Variants in TAF1B observed in about 807,000 individuals in gnomAD.
The protein encoded by TAF1B is TATA-box binding protein associated factor, RNA polymerase I subunit B.
Under a neutral mutation model 83.9 loss-of-function variants are expected in TAF1B, and 61 were observed. That is an observed-to-expected ratio of 0.73 (90% CI 0.59 to 0.90). The LOEUF (loss-of-function observed/expected upper bound fraction) is 0.90. Among genes scored for constraint, TAF1B ranks in the 40% least tolerant of loss-of-function variants. The pLI is 0.00. For synonymous variants in TAF1B, 221 were observed against 224.6 expected (o/e 0.98, Z 0.14); for missense variants, 625 against 677.0 (o/e 0.92, Z 0.85).
At chr2:9,903,650 G>T (rs994423789) in intron 8 of TAF1B, among the ~76,000 whole-genome samples, 16 of 152,284 alleles carry the variant, frequency 1.1e-4, no homozygotes, top group Middle Eastern at 3.4e-3. Context: ...AAAACCTGGT[G>T]TTACTCCCAT....
Position 9,868,261 on chromosome 2 carries a change from TTG to T in TAF1B, c.400-13_400-12del, listed in dbSNP as rs773084478. ...CTGTTACACAATAATTTTATTTATA[TTG>T]TTTTGCAAACAGGTATTAGAAGATA... On this transcript the variant is annotated splice_polypyrimidine_tract_variant and intron_variant, in intron 5 of 14. Coordinates refer to ENST00000263663, the MANE Select transcript of TAF1B (RefSeq NM_005680.3). The T allele has an allele frequency of 6.2e-7, 1 of 1,613,020 alleles. No individual in the cohort carries two copies. The highest frequency in any genetic ancestry group is 1.1e-5 in the South Asian group (1 of 90,866).
At chr2:9,928,404 T>C (rs1666109958) in intron 14 of TAF1B, among the ~76,000 whole-genome samples, 1 of 152,192 alleles carries the variant, frequency 6.6e-6, no homozygotes, top group South Asian at 2.1e-4. Flanking sequence ...AGAAAGTCAT[T>C]GGTAGCTTGA....
Position 9,914,454 on chromosome 2 carries a change from TGCTA to T in TAF1B, c.1271+1209_1271+1212del, listed in dbSNP as rs947092768. Among the ~76,000 whole-genome samples the T allele has an allele frequency of 1.3e-5, 2 of 152,132 alleles. No individual in the cohort carries two copies. The highest frequency in any genetic ancestry group is 4.8e-5 in the African/African-American group (2 of 41,430). On this transcript the variant is annotated intron_variant, in intron 12 of 14. Transcript: ENST00000263663. This position sits in a 1 kb window ranked among gnomAD's most constrained non-coding sequence, Gnocchi z 4.3. ...GGAGAATCAGCCTTCCTTTCTGTGG[TGCTA>T]GCTGGGGTTAGTCCTGACGGATCCT...
At chr2:9,900,187 A>C (rs1371401714) in intron 8 of TAF1B, among the ~76,000 whole-genome samples, 2 of 152,250 alleles carry the variant, frequency 1.3e-5, no homozygotes, top group Non-Finnish European at 2.9e-5. Context: ...AGAGCAGTGT[A>C]AACTATTAGA....
chr2:9,932,430 A>T (rs1010239283), intron 14 of TAF1B, among the ~76,000 whole-genome samples: 3 of 152,206 alleles, frequency 2.0e-5, no homozygotes, highest in Non-Finnish European at 4.4e-5. Flanking sequence ...CAGGTCCCTC[A>T]GCTGCAGGTC....
chr2:9,888,254 C>G (rs77397024), intron 8 of TAF1B, among the ~76,000 whole-genome samples: 6,673 of 152,094 alleles, frequency 0.044, 194 homozygotes, highest in Non-Finnish European at 0.066. Context: ...AGTATTTCCA[C>G]TTCCCTCCTC....
intron 8 of TAF1B, among the ~76,000 whole-genome samples, chr2:9,892,175 T>C (rs1301003563): frequency 6.6e-6 from 1 of 152,254 alleles, no homozygotes; most frequent in Non-Finnish European, 1.5e-5. Context: ...CTTGCCATTG[T>C]GTTACAGTTG....
Position 9,933,533 on chromosome 2 carries a change from A to G in TAF1B, c.1566-250A>G, listed in dbSNP as rs575915718. Among the ~76,000 whole-genome samples, 11 of 152,306 alleles carry G rather than the reference A, an allele frequency of 7.2e-5. No individual in the cohort carries two copies. In the South Asian group the frequency reaches 2.1e-3, roughly 29 times the overall value. ...CATCTGGAGTGAAGAAACTTTGAGC[A>G]AAGAGTTGAAGGACCAGCTCTTAGC... On this transcript the variant is annotated intron_variant, in intron 14 of 14. Transcript: ENST00000263663.
intron 14 of TAF1B, among the ~76,000 whole-genome samples, chr2:9,920,090 ATG>A (rs892089348): frequency 6.6e-6 from 1 of 152,208 alleles, no homozygotes; most frequent in African/African-American, 2.4e-5. Context: ...GATCAGGAGA[ATG>A]TGCTGTATTT....
intron 8 of TAF1B, among the ~76,000 whole-genome samples, chr2:9,883,849 A>G (rs1664582311): frequency 1.3e-5 from 2 of 152,232 alleles, no homozygotes; most frequent in African/African-American, 4.8e-5. Context: ...TAGTTATGCT[A>G]TAATATCAAA....
At chr2:9,879,486 G>A (rs1206341927) in intron 7 of TAF1B, among the ~76,000 whole-genome samples, 2 of 152,316 alleles carry the variant, frequency 1.3e-5, no homozygotes, top group Admixed American at 1.3e-4. Flanking sequence ...CTTATGACTT[G>A]TTTATTTCTG....
At chr2:9,876,069 T>A (rs773822438) in intron 7 of TAF1B, 51 bp downstream of exon 7, 44 of 1,489,654 alleles carry the variant, frequency 3.0e-5, no homozygotes, top group Non-Finnish European at 3.9e-5. Context: ...CTACATGAAC[T>A]AAGTAGACAA....
At chr2:9,922,350 A>T (rs1665902820) in intron 14 of TAF1B, among the ~76,000 whole-genome samples, 1 of 151,954 alleles carries the variant, frequency 6.6e-6, no homozygotes, top group Admixed American at 6.6e-5. Flanking sequence ...CCTTGCTGTC[A>T]CCCTATGTTC....
intron 6 of TAF1B, among the ~76,000 whole-genome samples, chr2:9,873,277 T>G (rs1664223463): frequency 6.6e-6 from 1 of 152,208 alleles, no homozygotes; most frequent in South Asian, 2.1e-4. Flanking sequence ...AAGAACATTT[T>G]AGTCACTGAT....
chr2:9,854,207 T>A (rs1044876475), intron 4 of TAF1B, 119 bp from the exon 5 acceptor site: 22 of 710,422 alleles, frequency 3.1e-5, no homozygotes, highest in Non-Finnish European at 3.6e-5. Flanking sequence ...CATAAAACAT[T>A]TACTGGAAAT....
chr2:9,875,816 T>C (rs1664304927), intron 6 of TAF1B, 49 bp from the exon 7 acceptor site: 1 of 1,516,014 alleles, frequency 6.6e-7, no homozygotes, highest in East Asian at 2.3e-5. Context: ...TTTCTTTTGT[T>C]ATCCAAATAG....
chr2:9,918,458 C>T (rs1665760247), intron 12 of TAF1B, among the ~76,000 whole-genome samples: 1 of 152,188 alleles, frequency 6.6e-6, no homozygotes, highest in Non-Finnish European at 1.5e-5. Context: ...CCCCATTTTA[C>T]AGTGGAAACT....
intron 7 of TAF1B, among the ~76,000 whole-genome samples, chr2:9,879,237 A>G (rs1285958112): frequency 6.6e-6 from 1 of 152,240 alleles, no homozygotes; most frequent in Non-Finnish European, 1.5e-5. Flanking sequence ...GTGTACTGGT[A>G]CTACTACTCT....
intron 8 of TAF1B, among the ~76,000 whole-genome samples, chr2:9,883,930 G>T (rs12476490): frequency 0.23 from 34,685 of 152,220 alleles, 4,813 homozygotes; most frequent in East Asian, 0.31. Context: ...AAACCTTTGT[G>T]GCCGGTGGCA....
Sources: gnomAD v4.1 joint callset for allele counts (sites outside exome capture counted in the v4.1 genomes callset) on GRCh38, gnomAD v4.1.1 for gene constraint, Gnocchi (gnomAD v3.1) non-coding constraint, MANE v1.5 for transcripts, NCBI Gene and HGNC (gene_info 2026-07-23, HGNC 2026-07-21) for gene names.